CNDP1: variants seen among roughly 807,000 people sequenced by gnomAD.
CNDP1 encodes the protein carnosine dipeptidase 1.
In CNDP1, 44 loss-of-function variants were observed where a neutral mutation model predicts 58.1. That is an observed-to-expected ratio of 0.76 (90% CI 0.60 to 0.97). CNDP1 has a LOEUF of 0.97. Ranked by LOEUF, CNDP1 falls within the 50% of genes least tolerant of loss-of-function variation. The probability of loss-of-function intolerance (pLI) is 0.00; values close to 1 mark genes in which losing one functional copy is unlikely to be tolerated. For synonymous variants in CNDP1, 254 were observed against 252.6 expected (o/e 1.01, Z -0.05); for missense variants, 616 against 655.1 (o/e 0.94, Z 0.65).
intron 5 of CNDP1, among the ~76,000 whole-genome samples, chr18:74,566,978 C>T (rs956327286): frequency 1.3e-5 from 2 of 152,214 alleles, no homozygotes; most frequent in Non-Finnish European, 2.9e-5. Context: ...GCAAAAGGCA[C>T]TTCTTAGGTG....
intron 7 of CNDP1, among the ~76,000 whole-genome samples, chr18:74,575,100 A>AG (rs879805018): frequency 1.7e-4 from 20 of 119,588 alleles, no homozygotes; most frequent in South Asian, 7.9e-4. Context: ...AAGGAAAGAA[A>AG]AAAGAAGGAA....
At chr18:74,567,666 G>A (rs1396364324) in intron 6 of CNDP1, among the ~76,000 whole-genome samples, 1 of 152,130 alleles carries the variant, frequency 6.6e-6, no homozygotes, top group Non-Finnish European at 1.5e-5. Context: ...TTCTGGAGAG[G>A]GGATTCACAG....
chr18:74,562,165 A>G (rs1568296503), intron 5 of CNDP1, 30 bp downstream of exon 5: 2 of 1,600,484 alleles, frequency 1.2e-6, no homozygotes, highest in South Asian at 1.1e-5. Flanking sequence ...GGGAGAGAGG[A>G]GGAGGAGGAT....
chr18:74,573,576 C>T (rs1194377591), intron 7 of CNDP1, among the ~76,000 whole-genome samples: 2 of 152,208 alleles, frequency 1.3e-5, no homozygotes, highest in Admixed American at 6.5e-5. Context: ...CAGCCATTTT[C>T]CCTTAAAGAG....
chr18:74,562,303 G>T (rs1018455569), intron 5 of CNDP1, among the ~76,000 whole-genome samples, 168 bp downstream of exon 5: 1 of 152,208 alleles, frequency 6.6e-6, no homozygotes, highest in African/African-American at 2.4e-5. Flanking sequence ...AGGACAGTAA[G>T]TCTTGGGAAG....
chr18:74,537,850 C>T (rs1377232485), intron 1 of CNDP1, among the ~76,000 whole-genome samples: 3 of 152,230 alleles, frequency 2.0e-5, no homozygotes, highest in African/African-American at 7.2e-5. Context: ...TTTCTTTCCA[C>T]ATAAAGCGGC....
chr18:74,563,060 T>C (rs970536320), intron 5 of CNDP1, among the ~76,000 whole-genome samples: 1 of 152,224 alleles, frequency 6.6e-6, no homozygotes, highest in Non-Finnish European at 1.5e-5. Context: ...TGGCACCCTG[T>C]CCTGCAGAGC....
intron 7 of CNDP1, among the ~76,000 whole-genome samples, chr18:74,575,525 C>T (rs547584423): frequency 2.2e-4 from 34 of 152,152 alleles, no homozygotes; most frequent in African/African-American, 7.0e-4. Context: ...AGAGAGTGGG[C>T]GGTATTTACT....
chr18:74,542,898 G>T (rs1334899546), intron 1 of CNDP1, among the ~76,000 whole-genome samples: 2 of 152,226 alleles, frequency 1.3e-5, no homozygotes, highest in Non-Finnish European at 2.9e-5. Flanking sequence ...GCACCAGGTG[G>T]AGGCAACCAT....
intron 9 of CNDP1, among the ~76,000 whole-genome samples, chr18:74,579,464 T>C (rs1034289280): frequency 6.6e-6 from 1 of 151,790 alleles, no homozygotes; most frequent in Non-Finnish European, 1.5e-5. Context: ...GGCAGGGCCT[T>C]CCTTGTCTTG....
At chr18:74,562,241 G>T in intron 5 of CNDP1, 106 bp downstream of exon 5, 1 of 940,654 alleles carries the variant, frequency 1.1e-6, no homozygotes, top group Non-Finnish European at 1.7e-6. Context: ...TCACTTACTC[G>T]CCCCAACAAT....
intron 1 of CNDP1, among the ~76,000 whole-genome samples, chr18:74,549,099 T>C (rs1599088155): frequency 6.6e-6 from 1 of 152,224 alleles, no homozygotes; most frequent in East Asian, 1.9e-4. Context: ...GCATTTACCC[T>C]GAGATAACTT....
chr18:74,535,482 C>T (rs1169389028), intron 1 of CNDP1, among the ~76,000 whole-genome samples: 2 of 152,022 alleles, frequency 1.3e-5, no homozygotes, highest in African/African-American at 2.4e-5. Flanking sequence ...GGGCTTTGCC[C>T]ACCTGCAAGA....
At chr18:74,537,375 C>T (rs912173722) in intron 1 of CNDP1, among the ~76,000 whole-genome samples, 8 of 152,154 alleles carry the variant, frequency 5.3e-5, no homozygotes, top group Admixed American at 5.2e-4. Flanking sequence ...GCCAGTTATC[C>T]GAGCATCATT....
At position 74,551,361 on chromosome 18, in the gene CNDP1, A is replaced by AACACACACACAC. The variant is rs74178982; in HGVS notation, c.25-4955_25-4944dup. 4.6e-3 allele frequency among the ~76,000 whole-genome samples: 674 copies of AACACACACACAC among 148,068 alleles called. 4 individuals are homozygous for AACACACACACAC. The highest frequency in any genetic ancestry group is 0.012 in the African/African-American group (466 of 39,470). On this transcript the variant is annotated intron_variant, in intron 1 of 11. Transcript: ENST00000358821. ...CTAGTTCAAGGTCAAGCACAACTGT[A>AACACACACACAC]ACACACACACACACACACACACACA... is the stretch of plus-strand genomic sequence containing the variant.
At chr18:74,561,040 C>T (rs764624419) in intron 4 of CNDP1, 22 bp downstream of exon 4, 10 of 1,603,798 alleles carry the variant, frequency 6.2e-6, no homozygotes, top group East Asian at 2.2e-5. Context: ...GCCCGGGCTA[C>T]AGTGCGGTGC....
intron 1 of CNDP1, among the ~76,000 whole-genome samples, chr18:74,547,949 C>A (rs889815063): frequency 1.3e-5 from 2 of 152,154 alleles, no homozygotes; most frequent in Non-Finnish European, 2.9e-5. Flanking sequence ...CAGGCCTATG[C>A]AGCAAGTGGG....
intron 10 of CNDP1, 86 bp downstream of exon 10, chr18:74,580,357 T>C: frequency 7.3e-7 from 1 of 1,364,258 alleles, no homozygotes; most frequent in Non-Finnish European, 1.0e-6. Flanking sequence ...GCAGACACTT[T>C]TAAAACTCAG....
intron 1 of CNDP1, among the ~76,000 whole-genome samples, chr18:74,550,468 C>A (rs1167462553): frequency 6.6e-6 from 1 of 152,068 alleles, no homozygotes; most frequent in Non-Finnish European, 1.5e-5. Context: ...TTTGATTTTA[C>A]AGGCTCATAG....
Sources: allele counts gnomAD v4.1 joint callset (sites outside exome capture counted in the v4.1 genomes callset), GRCh38; gene constraint gnomAD v4.1.1; transcripts MANE v1.5; gene names NCBI Gene and HGNC (gene_info 2026-07-23, HGNC 2026-07-21).